GPC5: variants seen among roughly 807,000 people sequenced by gnomAD.
The protein encoded by GPC5 is glypican 5, also known as glypican-5.
A neutral mutation model predicts 53.9 loss-of-function variants in GPC5; 47 were observed. The observed-to-expected ratio is 0.87, with a 90% CI of 0.69 to 1.11. The LOEUF (loss-of-function observed/expected upper bound fraction) is 1.11, where lower values mean the gene tolerates loss of function less well. Ranked by LOEUF, GPC5 falls within the 50% of genes most tolerant of loss-of-function variation. GPC5 has a pLI of 0.00. For missense variants in GPC5, 748 were observed against 713.1 expected (o/e 1.05, Z -0.56); for synonymous variants, 286 against 263.3 (o/e 1.09, Z -0.84).
rs1056871903 is a variant in GPC5 at position 92,174,427 on chromosome 13, C to T, written c.1561+29438C>T. The stretch of plus-strand genomic sequence containing the variant: ...GCGGGCATCTGTATTCCCAGCTACT[C>T]GGGAGGCTGAGGCAGGAGAACCGCG... On this transcript the variant is annotated intron_variant, in intron 7 of 7. Transcript: ENST00000377067. Among the ~76,000 whole-genome samples the T allele has an allele frequency of 8.6e-5, 13 of 151,020 alleles. No individual in the cohort carries two copies. The East Asian group carries it at 2.4e-3, about 27-fold the overall frequency.
intron 7 of GPC5, among the ~76,000 whole-genome samples, chr13:92,320,711 G>A (rs1357472916): frequency 6.6e-6 from 1 of 151,994 alleles, no homozygotes; most frequent in Non-Finnish European, 1.5e-5. Context: ...TAAACATAAG[G>A]CAAATGCCAA....
intron 2 of GPC5, among the ~76,000 whole-genome samples, chr13:91,689,781 A>G (rs1409894326): frequency 1.3e-5 from 2 of 152,144 alleles, no homozygotes; most frequent in Non-Finnish European, 2.9e-5. Flanking sequence ...AGGCATGGAG[A>G]TGTCATCTCC....
intron 5 of GPC5, among the ~76,000 whole-genome samples, chr13:91,876,118 T>A (rs2039199254): frequency 6.6e-6 from 1 of 152,216 alleles, no homozygotes; most frequent in Non-Finnish European, 1.5e-5. Context: ...CCTTTCACCT[T>A]CTGCTGTGAT....
intron 1 of GPC5, among the ~76,000 whole-genome samples, chr13:91,414,802 C>G (rs141427801): frequency 6.6e-6 from 1 of 152,076 alleles, no homozygotes; most frequent in Non-Finnish European, 1.5e-5. Flanking sequence ...AGGAGGGTGT[C>G]GCCTTATAAA....
intron 6 of GPC5, among the ~76,000 whole-genome samples, chr13:91,974,943 C>G (rs1409789277): frequency 6.6e-6 from 1 of 152,104 alleles, no homozygotes; most frequent in Non-Finnish European, 1.5e-5. Flanking sequence ...TGGAACAGAA[C>G]AGAGCCCTCA....
intron 5 of GPC5, among the ~76,000 whole-genome samples, chr13:91,856,072 GT>G (rs1274191132): frequency 2.0e-5 from 3 of 151,056 alleles, no homozygotes; most frequent in Non-Finnish European, 4.4e-5. Context: ...CACTATTTTT[GT>G]TTTATATATA....
chr13:92,771,941 A>G (rs1875632245), intron 7 of GPC5, among the ~76,000 whole-genome samples: 2 of 152,218 alleles, frequency 1.3e-5, no homozygotes, highest in Admixed American at 1.3e-4. Flanking sequence ...TAAGGCCTTA[A>G]ATCTTTTTTT....
chr13:91,966,262 T>G (rs1294291261), intron 6 of GPC5, among the ~76,000 whole-genome samples: 11 of 152,130 alleles, frequency 7.2e-5, no homozygotes, highest in Non-Finnish European at 1.0e-4. Context: ...TTAGACTTAG[T>G]GCAGAAAAAG....
chr13:91,504,636 A>C (rs143053269), intron 2 of GPC5, among the ~76,000 whole-genome samples: 6 of 152,180 alleles, frequency 3.9e-5, no homozygotes, highest in Non-Finnish European at 7.3e-5. Context: ...CTTAAATAAT[A>C]AGACATTATG....
chr13:92,298,771 A>G (rs2043055612), intron 7 of GPC5, among the ~76,000 whole-genome samples: 1 of 152,090 alleles, frequency 6.6e-6, no homozygotes, highest in Non-Finnish European at 1.5e-5. Flanking sequence ...TTCTGGAGCA[A>G]AAATTCCTGA....
chr13:92,321,912 A>T lies in GPC5; in HGVS notation c.1561+176923A>T, dbSNP rs1426320994. Among the ~76,000 whole-genome samples, 3 of 152,156 alleles carry T rather than the reference A, an allele frequency of 2.0e-5. No homozygotes were observed. In the South Asian group the frequency reaches 6.2e-4, roughly 31 times the overall value. Reference sequence around the variant, plus strand: ...ACTTTATATCAACAATCAGAAATAAATATAATAATAGCAAAACAGTCTTTG... The same window carrying T: ...ACTTTATATCAACAATCAGAAATAATTATAATAATAGCAAAACAGTCTTTG... On this transcript the variant is annotated intron_variant, in intron 7 of 7. Transcript: ENST00000377067.
At chr13:91,862,522 A>G (rs1392446892) in intron 5 of GPC5, among the ~76,000 whole-genome samples, 3 of 152,198 alleles carry the variant, frequency 2.0e-5, no homozygotes, top group African/African-American at 4.8e-5. Flanking sequence ...GAAGAATTAT[A>G]TGGCCCAAAT....
chr13:92,710,870 T>G (rs1888112586), intron 7 of GPC5, among the ~76,000 whole-genome samples: 1 of 152,218 alleles, frequency 6.6e-6, no homozygotes, highest in Admixed American at 6.5e-5. Context: ...TATTTTTATG[T>G]GACAATGATG....
intron 7 of GPC5, among the ~76,000 whole-genome samples, chr13:92,317,748 G>A (rs563738910): frequency 2.2e-4 from 33 of 152,066 alleles, no homozygotes; most frequent in Admixed American, 5.2e-4. Flanking sequence ...ATGATCCACC[G>A]CCTCAGCCTC....
At chr13:91,633,902 T>G (rs1365084942) in intron 2 of GPC5, among the ~76,000 whole-genome samples, 1 of 152,128 alleles carries the variant, frequency 6.6e-6, no homozygotes, top group Non-Finnish European at 1.5e-5. Context: ...CATCCTTAGC[T>G]CAACCTACTC....
At chr13:91,828,343 GTAGA>G (rs1431891868) in intron 5 of GPC5, among the ~76,000 whole-genome samples, 2 of 128,244 alleles carry the variant, frequency 1.6e-5, no homozygotes, top group Non-Finnish European at 3.3e-5. Flanking sequence ...ATATAGATAG[GTAGA>G]TAGGTAGGTA....
intron 2 of GPC5, among the ~76,000 whole-genome samples, chr13:91,565,944 A>G (rs1394422190): frequency 6.6e-6 from 1 of 152,054 alleles, no homozygotes; most frequent in Non-Finnish European, 1.5e-5. Flanking sequence ...TTGTAGACCC[A>G]TGATTTCAAT....
At chr13:91,461,946 G>T (rs559823772) in intron 2 of GPC5, among the ~76,000 whole-genome samples, 24 of 152,186 alleles carry the variant, frequency 1.6e-4, no homozygotes, top group Non-Finnish European at 2.6e-4. Context: ...CAGCCATTGA[G>T]AACAATTATT....
intron 7 of GPC5, among the ~76,000 whole-genome samples, chr13:92,745,308 C>T (rs1052627925): frequency 6.6e-6 from 1 of 152,056 alleles, no homozygotes; most frequent in South Asian, 2.1e-4. Flanking sequence ...ATTTTAGCAT[C>T]ACTGATACTT....
Sources: gnomAD v4.1 joint callset for allele counts (sites outside exome capture counted in the v4.1 genomes callset) on GRCh38, gnomAD v4.1.1 for gene constraint, MANE v1.5 for transcripts, NCBI Gene and HGNC (gene_info 2026-07-23, HGNC 2026-07-21) for gene names.